FOCAD: variants seen among roughly 807,000 people sequenced by gnomAD.
FOCAD encodes the protein focadhesin.
FOCAD carries 198 observed loss-of-function variants against 225.6 expected under a neutral mutation model. That is an observed-to-expected ratio of 0.88 (90% CI 0.78 to 0.99). FOCAD has a LOEUF of 0.99. FOCAD is among the 50% of genes least tolerant of loss of function. The pLI is 0.00. For missense variants in FOCAD, 2,713 were observed against 2,123.6 expected (o/e 1.28, Z -5.46); for synonymous variants, 897 against 755.0 (o/e 1.19, Z -3.08).
At chr9:20,784,733 T>G (rs548394151) in intron 10 of FOCAD, among the ~76,000 whole-genome samples, 1 of 152,310 alleles carries the variant, frequency 6.6e-6, no homozygotes, top group African/African-American at 2.4e-5. Flanking sequence ...TAGATTTTAT[T>G]TGAAATTGCT....
chr9:20,730,372 G>A (rs1826586693), intron 4 of FOCAD, among the ~76,000 whole-genome samples: 2 of 151,998 alleles, frequency 1.3e-5, no homozygotes, highest in African/African-American at 2.4e-5. Flanking sequence ...AGGAAAGGCA[G>A]GATATATATG....
At chr9:20,796,659 GTTGT>G (rs1821145494) in intron 11 of FOCAD, among the ~76,000 whole-genome samples, 1 of 152,224 alleles carries the variant, frequency 6.6e-6, no homozygotes, top group Non-Finnish European at 1.5e-5. Flanking sequence ...TTTTGATGGG[GTTGT>G]TTGTTTTTTT....
intron 1 of FOCAD, among the ~76,000 whole-genome samples, chr9:20,687,365 T>C (rs924953079): frequency 2.6e-5 from 4 of 152,262 alleles, no homozygotes; most frequent in African/African-American, 9.6e-5. Context: ...ATTTGGCTGA[T>C]ACATATGTTG....
chr9:20,960,899 C>T (rs1001761368), intron 35 of FOCAD, among the ~76,000 whole-genome samples: 5 of 152,060 alleles, frequency 3.3e-5, no homozygotes, highest in Non-Finnish European at 5.9e-5. Context: ...CAGCTTCATC[C>T]ATGTCCCTAC....
intron 21 of FOCAD, 173 bp downstream of exon 21, chr9:20,885,403 A>G: frequency 2.0e-6 from 1 of 510,780 alleles, no homozygotes. Context: ...TGTATTTCTG[A>G]AAGAAACTGC....
intron 1 of FOCAD, among the ~76,000 whole-genome samples, chr9:20,691,657 A>G (rs749280889): frequency 6.9e-6 from 1 of 145,836 alleles, no homozygotes; most frequent in Non-Finnish European, 1.5e-5. Context: ...AATTTTTTGT[A>G]TTTTTAGTAG....
At chr9:20,876,579 G>T (rs1260522593) in intron 19 of FOCAD, among the ~76,000 whole-genome samples, 1 of 152,172 alleles carries the variant, frequency 6.6e-6, no homozygotes, top group Non-Finnish European at 1.5e-5. Flanking sequence ...GGGAAGAGTT[G>T]AGATCGACAA....
chr9:20,717,331 C>T (rs919682357), intron 2 of FOCAD, among the ~76,000 whole-genome samples: 30 of 152,156 alleles, frequency 2.0e-4, no homozygotes, highest in Admixed American at 1.0e-3. Context: ...GTTTCCAACC[C>T]GTACACAGAA....
intron 22 of FOCAD, among the ~76,000 whole-genome samples, chr9:20,910,883 T>G (rs1198546195): frequency 6.6e-6 from 1 of 152,046 alleles, no homozygotes; most frequent in Non-Finnish European, 1.5e-5. Context: ...AGAAAAAACA[T>G]GAAAACTACT....
At chr9:20,898,516 T>G (rs1832293542) in intron 21 of FOCAD, among the ~76,000 whole-genome samples, 1 of 151,954 alleles carries the variant, frequency 6.6e-6, no homozygotes, top group Admixed American at 6.6e-5. Context: ...AGTCTGTTAA[T>G]AAGCTCATTA....
chr9:20,948,321 G>C lies in FOCAD; in HGVS notation c.3726G>C (p.Val1242=). Residue 1242 remains valine (V), a synonymous_variant, in exon 31 of 44, where the codon GTG becomes GTC. Coordinates refer to ENST00000338382, the MANE Select transcript of FOCAD (RefSeq NM_001375567.1). Reference sequence around the variant, plus strand: ...GAAACATAGTTCATGGATTGTCTGTGTGTGGACATGGAAAAGCTGAAGACT... The same window carrying C: ...GAAACATAGTTCATGGATTGTCTGTCTGTGGACATGGAAAAGCTGAAGACT... The part of the protein sequence containing the change: ...ALGNIVHGLS[V]CGHGKAEDLG... 1.9e-6 allele frequency: 3 copies of C among 1,612,216 alleles called. No homozygotes were observed. The highest frequency in any genetic ancestry group is 2.5e-6 in the Non-Finnish European group (3 of 1,178,914).
intron 1 of FOCAD, among the ~76,000 whole-genome samples, chr9:20,685,064 A>AT (rs1242552627): frequency 2.6e-5 from 4 of 152,216 alleles, no homozygotes; most frequent in Non-Finnish European, 4.4e-5. Context: ...TCATGCAGTC[A>AT]TTCATTCATA....
At chr9:20,979,719 C>T (rs547132233) in intron 37 of FOCAD, among the ~76,000 whole-genome samples, 1 of 152,288 alleles carries the variant, frequency 6.6e-6, no homozygotes, top group African/African-American at 2.4e-5. Context: ...CTGCATCTTT[C>T]TGTCAGGTAT....
chr9:20,748,258 C>T (rs551834256), intron 5 of FOCAD, among the ~76,000 whole-genome samples: 1 of 151,960 alleles, frequency 6.6e-6, no homozygotes, highest in East Asian at 1.9e-4. Flanking sequence ...CTCAGGGAGC[C>T]ACCATTTCTG....
At position 20,731,257 on chromosome 9, in the gene FOCAD, A is replaced by ACAG. The variant is rs1329875179; in HGVS notation, c.288-8977_288-8976insGCA. On this transcript the variant is annotated intron_variant, in intron 4 of 43. Transcript: ENST00000338382. ...TGTCTCCAAAACAACAACAACAACAACAACAACAACAACAACAACAACAAC... is the reference window on the plus strand; with the variant it reads ...TGTCTCCAAAACAACAACAACAACAACAGCAACAACAACAACAACAACAACAAC... 1.5e-3 allele frequency among the ~76,000 whole-genome samples: 223 copies of ACAG among 151,434 alleles called. 1 individual carries two copies. Among genetic ancestry groups the ACAG allele is most frequent in the African/African-American group, 5.1e-3 (212 of 41,308 alleles).
In FOCAD at chr9:20,985,806, AAAT is replaced by A. The variant is rs373230990; in HGVS notation, c.4729-479_4729-477del. Among the ~76,000 whole-genome samples the A allele has an allele frequency of 1.2e-4, 18 of 152,368 alleles. No homozygotes were observed. The East Asian group carries it at 2.3e-3, about 20-fold the overall frequency. On this transcript the variant is annotated intron_variant, in intron 39 of 43. Coordinates refer to ENST00000338382, the MANE Select transcript of FOCAD (RefSeq NM_001375567.1). Reference sequence around the variant, plus strand: ...TAAGTGAAATTGGCTTGTGAAAAAAAAATAAACGTCAGTACAATATACAATGAA... The same window carrying A: ...TAAGTGAAATTGGCTTGTGAAAAAAAAAACGTCAGTACAATATACAATGAA...
At chr9:20,740,374 TA>T in intron 5 of FOCAD, 34 bp downstream of exon 5, 3 of 1,171,800 alleles carry the variant, frequency 2.6e-6, no homozygotes, top group Non-Finnish European at 3.7e-6. Flanking sequence ...TTTAAACAAA[TA>T]TGAATTTTTA....
At chr9:20,976,394 C>T (rs1406413490) in intron 35 of FOCAD, 26 bp from the exon 36 acceptor site, 22 of 1,607,622 alleles carry the variant, frequency 1.4e-5, no homozygotes, top group Non-Finnish European at 1.8e-5. Flanking sequence ...AGGTGTTTTA[C>T]TATTATTTTT....
rs748863370 is a variant in FOCAD, at chr9:20,912,862, G to T, written c.2719-4G>T. The T allele has an allele frequency of 5.0e-6, 8 of 1,611,970 alleles. No homozygotes were observed. In the East Asian group the frequency reaches 1.6e-4, roughly 31 times the overall value. ...CATGCTGATTTATGCTGTGATTTTTGCAGGGAAGACTAGGAGAGCTGGAGT... is the reference window on the plus strand; with the variant it reads ...CATGCTGATTTATGCTGTGATTTTTTCAGGGAAGACTAGGAGAGCTGGAGT... On this transcript the variant is annotated splice_polypyrimidine_tract_variant and splice_region_variant and intron_variant, in intron 22 of 43. Coordinates refer to ENST00000338382, the MANE Select transcript of FOCAD (RefSeq NM_001375567.1).
Sources: allele counts gnomAD v4.1 joint callset (sites outside exome capture counted in the v4.1 genomes callset), GRCh38; gene constraint gnomAD v4.1.1; transcripts MANE v1.5; gene names NCBI Gene and HGNC (gene_info 2026-07-23, HGNC 2026-07-21).